TINAG: variants seen among roughly 807,000 people sequenced by gnomAD.
TINAG encodes tubulointerstitial nephritis antigen.
A neutral mutation model predicts 72.7 loss-of-function variants in TINAG; 83 were observed. The ratio of observed to expected loss-of-function variants is 1.14; its 90% CI spans 0.96 to 1.37. TINAG has a LOEUF of 1.37. TINAG is among the 40% of genes most tolerant of loss of function. TINAG has a pLI of 0.00. For missense variants in TINAG, 685 were observed against 576.6 expected (o/e 1.19, Z -1.93); for synonymous variants, 234 against 189.9 (o/e 1.23, Z -1.91).
At chr6:54,321,253 T>C (rs1243308792) in intron 2 of TINAG, 44 bp from the exon 3 acceptor site, 1 of 1,443,558 alleles carries the variant, frequency 6.9e-7, no homozygotes, top group Admixed American at 1.7e-5. Context: ...TGAAATATAC[T>C]TCATAAAGAC....
At chr6:54,342,331 G>T (rs1434586694) in intron 4 of TINAG, among the ~76,000 whole-genome samples, 1 of 151,438 alleles carries the variant, frequency 6.6e-6, no homozygotes, top group Non-Finnish European at 1.5e-5. Flanking sequence ...CCATAATTTT[G>T]CACCGTTGCT....
At chr6:54,313,546 A>T (rs907592376) in intron 1 of TINAG, among the ~76,000 whole-genome samples, 1 of 152,228 alleles carries the variant, frequency 6.6e-6, no homozygotes, top group Admixed American at 6.5e-5. Context: ...GTATTAACTC[A>T]TTCATTATTT....
chr6:54,316,678 AG>A (rs1784380184), intron 1 of TINAG, among the ~76,000 whole-genome samples: 1 of 152,178 alleles, frequency 6.6e-6, no homozygotes, highest in African/African-American at 2.4e-5. Flanking sequence ...TTGCAATTCA[AG>A]AAGTGAAGTT....
At chr6:54,356,567 G>T (rs1763047107) in intron 9 of TINAG, among the ~76,000 whole-genome samples, 1 of 151,692 alleles carries the variant, frequency 6.6e-6, no homozygotes, top group Non-Finnish European at 1.5e-5. Context: ...AATGCTCAAA[G>T]ATCATTATTA....
chr6:54,389,891 C>T lies in TINAG; in HGVS notation c.1397C>T (p.Ala466Val). Residue 466 changes from alanine (A) to valine (V), a missense_variant, in exon 11 of 11, where the codon GCT becomes GTT. Physicochemically the swap from Ala to Val is moderately conservative, Grantham distance 64. Coordinates refer to ENST00000259782, the MANE Select transcript of TINAG (RefSeq NM_014464.4). ...GACATTGAAAAGTTGATTATCGCAG[C>T]TTGGGGCCAACTGACGAGTTCTGAT... The part of the protein sequence containing the change: ...ESDIEKLIIA[A>V]WGQLTSSDEP 6.2e-7 allele frequency: 1 copy of T among 1,611,456 alleles called. No homozygotes were observed. Among genetic ancestry groups the T allele is most frequent in the South Asian group, 1.1e-5 (1 of 90,512 alleles).
intron 9 of TINAG, among the ~76,000 whole-genome samples, chr6:54,362,342 G>C (rs9474821): frequency 0.084 from 12,751 of 151,538 alleles, 944 homozygotes; most frequent in East Asian, 0.29. Context: ...AAAACCCTAG[G>C]GCCCTTAAGA....
chr6:54,345,940 A>G (rs73444762), intron 5 of TINAG, among the ~76,000 whole-genome samples: 2,845 of 151,962 alleles, frequency 0.019, 76 homozygotes, highest in African/African-American at 0.065. Flanking sequence ...TTGATGAGAA[A>G]AAAAATAAAC....
chr6:54,386,399 G>A (rs749415975), intron 10 of TINAG, among the ~76,000 whole-genome samples: 3 of 152,084 alleles, frequency 2.0e-5, no homozygotes, highest in Non-Finnish European at 4.4e-5. Flanking sequence ...TCTGAGTTGT[G>A]TTCCTTTCTG....
chr6:54,312,333 G>A (rs186360772), intron 1 of TINAG, among the ~76,000 whole-genome samples: 1 of 152,004 alleles, frequency 6.6e-6, no homozygotes, highest in African/African-American at 2.4e-5. Flanking sequence ...TTTTATAGTT[G>A]GTTGGCTGTT....
At chr6:54,384,349 T>C (rs1260045043) in intron 10 of TINAG, among the ~76,000 whole-genome samples, 5 of 152,068 alleles carry the variant, frequency 3.3e-5, no homozygotes, top group Admixed American at 3.3e-4. Flanking sequence ...ACTTAAATTA[T>C]AATAAAAAAT....
intron 5 of TINAG, 38 bp from the exon 6 acceptor site, chr6:54,347,329 T>C: frequency 1.2e-6 from 2 of 1,606,024 alleles, no homozygotes; most frequent in Non-Finnish European, 8.5e-7. Context: ...AAATACCGTG[T>C]ATCATTTCAA....
At chr6:54,363,055 G>T (rs892329168) in intron 9 of TINAG, among the ~76,000 whole-genome samples, 1 of 151,556 alleles carries the variant, frequency 6.6e-6, no homozygotes, top group African/African-American at 2.4e-5. Context: ...TAAAGTCTGA[G>T]CTGGGATTTA....
At chr6:54,382,165 T>C (rs905446075) in intron 10 of TINAG, among the ~76,000 whole-genome samples, 2 of 152,124 alleles carry the variant, frequency 1.3e-5, no homozygotes, top group African/African-American at 4.8e-5. Flanking sequence ...TTTTATTTCA[T>C]GAGGCTAGGG....
chr6:54,333,038 AC>A (rs1209055976), intron 4 of TINAG, among the ~76,000 whole-genome samples: 1 of 152,196 alleles, frequency 6.6e-6, no homozygotes, highest in Non-Finnish European at 1.5e-5. Context: ...AATTAGCTCA[AC>A]CATTGTGGGA....
intron 4 of TINAG, among the ~76,000 whole-genome samples, chr6:54,340,680 A>C (rs1049743175): frequency 6.6e-6 from 1 of 152,154 alleles, no homozygotes; most frequent in Non-Finnish European, 1.5e-5. Context: ...TAAATGGTAA[A>C]AATCTTGAAA....
intron 3 of TINAG, among the ~76,000 whole-genome samples, chr6:54,322,823 T>G (rs1269493085): frequency 6.6e-6 from 1 of 152,226 alleles, no homozygotes; most frequent in Non-Finnish European, 1.5e-5. Context: ...ATTATAATTT[T>G]CTGTGGCAAA....
intron 4 of TINAG, among the ~76,000 whole-genome samples, chr6:54,339,541 C>A (rs912713425): frequency 6.6e-6 from 1 of 151,856 alleles, no homozygotes; most frequent in Non-Finnish European, 1.5e-5. Flanking sequence ...CCTGGGTAGG[C>A]GGGTTGAGGG....
At position 54,338,698 on chromosome 6, in the gene TINAG, C is replaced by T. The variant is rs1056743378; in HGVS notation, c.625-4528C>T. On this transcript the variant is annotated intron_variant, in intron 4 of 10. Coordinates refer to ENST00000259782, the MANE Select transcript of TINAG (RefSeq NM_014464.4). ...TAGATCCCGCCACTGCACTCCCAGG[C>T]GACAGAGCAAGACTCTGTCTCAAAA... is the stretch of plus-strand genomic sequence containing the variant. Among the ~76,000 whole-genome samples, 7 of 122,020 alleles carry T rather than the reference C, an allele frequency of 5.7e-5. 1 individual carries two copies. The highest frequency in any genetic ancestry group is 5.2e-4 in the South Asian group (2 of 3,878). 80.0% of individuals were successfully genotyped at this position (122,020 alleles called of 152,430 possible).
At chr6:54,382,251 A>C (rs1473984183) in intron 10 of TINAG, among the ~76,000 whole-genome samples, 3 of 152,086 alleles carry the variant, frequency 2.0e-5, no homozygotes, top group Non-Finnish European at 2.9e-5. Flanking sequence ...ATCAGACTAA[A>C]ATTTATAATA....
Sources: gnomAD v4.1 joint callset for allele counts (sites outside exome capture counted in the v4.1 genomes callset) on GRCh38, gnomAD v4.1.1 for gene constraint, MANE v1.5 for transcripts, NCBI Gene and HGNC (gene_info 2026-07-23, HGNC 2026-07-21) for gene names.